TMEM43: variants seen among roughly 807,000 people sequenced by gnomAD.
TMEM43 encodes the protein transmembrane protein 43.
Under a neutral mutation model 49.6 loss-of-function variants are expected in TMEM43, and 45 were observed. The observed-to-expected ratio is 0.91, with a 90% CI of 0.71 to 1.16. TMEM43 has a LOEUF of 1.16. TMEM43 is among the 50% of genes most tolerant of loss of function. TMEM43 has a pLI of 0.00. For synonymous variants in TMEM43, 199 were observed against 207.8 expected (o/e 0.96, Z 0.36); for missense variants, 532 against 516.6 (o/e 1.03, Z -0.29).
intron 2 of TMEM43, among the ~76,000 whole-genome samples, chr3:14,130,087 T>C (rs911039446): frequency 6.6e-6 from 1 of 151,538 alleles, no homozygotes; most frequent in Non-Finnish European, 1.5e-5. Flanking sequence ...CTTTCTTGTT[T>C]GTTTGTTTCT....
Position 14,132,526 on chromosome 3 carries a change from C to T in TMEM43, c.393-20C>T, listed in dbSNP as rs781487997. On this transcript the variant is annotated intron_variant, in intron 4 of 11. Coordinates refer to ENST00000306077, the MANE Select transcript of TMEM43 (RefSeq NM_024334.3). ...GGGGCGACGAGGCTAACCCCCGTGGCTGCTTTGCTTTCCCTGCAGGGAGTA... is the reference window on the plus strand; with the variant it reads ...GGGGCGACGAGGCTAACCCCCGTGGTTGCTTTGCTTTCCCTGCAGGGAGTA... 1.2e-6 allele frequency: 2 copies of T among 1,614,130 alleles called. No homozygotes were observed. Among genetic ancestry groups the T allele is most frequent in the Admixed American group, 3.3e-5 (2 of 60,018 alleles).
At position 14,132,553 on chromosome 3, in the gene TMEM43, A is replaced by G; in HGVS notation, c.400A>G (p.Thr134Ala). Reference protein sequence around the residue: ...WVETEESREYTEDGQVKKETR... With the variant: ...WVETEESREYAEDGQVKKETR... ...GCTTTGCTTTCCCTGCAGGGAGTACACCGAGGATGGGCAGGTGAAGAAGGA... is the reference window on the plus strand; with the variant it reads ...GCTTTGCTTTCCCTGCAGGGAGTACGCCGAGGATGGGCAGGTGAAGAAGGA... The change falls in exon 5 of 12, where the codon ACC (threonine) becomes GCC (alanine). Residue 134 changes from threonine to alanine, a missense_variant. Thr to Ala is a moderately conservative substitution (Grantham distance 58). Coordinates refer to ENST00000306077, the MANE Select transcript of TMEM43 (RefSeq NM_024334.3). 6.2e-7 allele frequency: 1 copy of G among 1,614,068 alleles called. No homozygotes were observed. The highest frequency in any genetic ancestry group is 8.5e-7 in the Non-Finnish European group (1 of 1,179,978).
At chr3:14,140,255 A>G (rs1183105624) in intron 11 of TMEM43, among the ~76,000 whole-genome samples, 1 of 152,158 alleles carries the variant, frequency 6.6e-6, no homozygotes, top group Non-Finnish European at 1.5e-5. Context: ...ATGAGCATTT[A>G]AACGGAATCC....
At chr3:14,133,434 A>C (rs1334001827) in intron 6 of TMEM43, among the ~76,000 whole-genome samples, 1 of 152,138 alleles carries the variant, frequency 6.6e-6, no homozygotes, top group Non-Finnish European at 1.5e-5. Context: ...GGGAGGGGCT[A>C]GTGAGGGGTG....
intron 2 of TMEM43, 118 bp downstream of exon 2, chr3:14,129,679 G>A: frequency 1.8e-6 from 2 of 1,106,916 alleles, no homozygotes; most frequent in Non-Finnish European, 2.7e-6. Flanking sequence ...AAAAGAGAAA[G>A]GAGGATACTG....
At chr3:14,141,463 A>C in intron 11 of TMEM43, 130 bp from the exon 12 acceptor site, 11 of 899,684 alleles carry the variant, frequency 1.2e-5, no homozygotes, top group Non-Finnish European at 2.0e-5. Flanking sequence ...CTTGCCTTCC[A>C]CCCACTGATC....
At chr3:14,131,040 C>A in intron 3 of TMEM43, 84 bp downstream of exon 3, 1 of 1,526,374 alleles carries the variant, frequency 6.6e-7, no homozygotes, top group South Asian at 1.2e-5. Context: ...AAAGCATGGG[C>A]CTTGGAGATG....
chr3:14,141,864 AGCTCCATGCCAGAGCAG>A lies in TMEM43; in HGVS notation c.*71_*87del. 6.7e-7 allele frequency: 1 copy of A among 1,494,766 alleles called. No individual in the cohort carries two copies. Among genetic ancestry groups the A allele is most frequent in the Non-Finnish European group, 9.1e-7 (1 of 1,103,342 alleles). The allele number at this position is 1,494,766 out of a possible 1,614,324, so 92.6% of individuals were successfully genotyped here. ...CCAGGTCCTCTCTCACCTCTGACCC[AGCTCCATGCCAGAGCAG>A]GAGCCCCGGTCAATTTTGGACTCTG... is the stretch of plus-strand genomic sequence containing the variant. On this transcript the variant is annotated 3_prime_UTR_variant, in exon 12 of 12. Transcript: ENST00000306077.
At chr3:14,141,386 C>A (rs935285900) in intron 11 of TMEM43, among the ~76,000 whole-genome samples, 6 of 152,212 alleles carry the variant, frequency 3.9e-5, no homozygotes, top group African/African-American at 1.4e-4. Context: ...GTGGCTTAGG[C>A]AATGTGCCCA....
At position 14,130,839 on chromosome 3, in the gene TMEM43, G is replaced by A. The variant is rs765703685; in HGVS notation, c.180G>A (p.Thr60=). ...IFTNEGRALK[T]ATSLAEGLSL... is the part of the protein sequence containing the mutation. The stretch of plus-strand genomic sequence containing the variant: ...GCTCCCAGGGCCGCGCATTGAAGAC[G>A]GCAACCTCATTGGCTGAGGGGCTCT... Residue 60 remains threonine (T), a synonymous_variant, in exon 3 of 12, where the codon ACG becomes ACA. Coordinates refer to ENST00000306077, the MANE Select transcript of TMEM43 (RefSeq NM_024334.3). 69 of 1,613,730 alleles carry A rather than the reference G, an allele frequency of 4.3e-5. No homozygotes were observed. The highest frequency in any genetic ancestry group is 3.3e-4 in the Middle Eastern group (2 of 6,082).
At position 14,141,613 on chromosome 3, in the gene TMEM43, C is replaced by T. The variant is rs778127887; in HGVS notation, c.1021C>T (p.Arg341Ter). Residue 341 changes from arginine (R) to a stop codon, truncating the protein, a stop_gained, in exon 12 of 12, where the codon CGA becomes TGA. Coordinates refer to ENST00000306077, the MANE Select transcript of TMEM43 (RefSeq NM_024334.3). LOFTEE classifies it high-confidence loss of function. The stretch of plus-strand genomic sequence containing the variant: ...CACAGTGGACTGGTTTCCTGTTTTC[C>T]GAGACCTGGTCAACATTGGCCTGAA... Reference protein sequence around the residue: ...YTLVDWFPVFRDLVNIGLKAF... With the variant: ...YTLVDWFPVF The T allele has an allele frequency of 1.1e-5, 18 of 1,613,988 alleles. No homozygotes were observed. Among genetic ancestry groups the T allele is most frequent in the African/African-American group, 2.7e-5 (2 of 74,892 alleles).
At position 14,143,439 on chromosome 3, in the gene TMEM43, A is replaced by G. The variant is rs1559364363; in HGVS notation, c.*1644A>G. The G allele has an allele frequency of 6.6e-6, 1 of 152,254 alleles. No individual in the cohort carries two copies. The highest frequency in any genetic ancestry group is 6.5e-5 in the Admixed American group (1 of 15,280). 9.4% of individuals were successfully genotyped at this position (152,254 alleles called of 1,614,324 possible). A position where few individuals can be genotyped will look rare whatever the true frequency, so the allele number is the denominator to read the frequency against. ...AACTGCTTATTACATGAGCAATTTCATCAAATCTCCAAACTCTTAAAGGAT... is the reference window on the plus strand; with the variant it reads ...AACTGCTTATTACATGAGCAATTTCGTCAAATCTCCAAACTCTTAAAGGAT... On this transcript the variant is annotated 3_prime_UTR_variant, in exon 12 of 12. Coordinates refer to ENST00000306077, the MANE Select transcript of TMEM43 (RefSeq NM_024334.3).
intron 4 of TMEM43, 58 bp downstream of exon 4, chr3:14,131,732 A>G: frequency 1.6e-6 from 2 of 1,236,054 alleles, no homozygotes; most frequent in Non-Finnish European, 2.4e-6. Flanking sequence ...TGTAGGTGTC[A>G]GGATAACATG....
intron 4 of TMEM43, 25 bp from the exon 5 acceptor site, chr3:14,132,521 C>T (rs200679654): frequency 2.9e-4 from 463 of 1,614,024 alleles, no homozygotes; most frequent in Admixed American, 7.5e-4. Flanking sequence ...GGCTAACCCC[C>T]GTGGCTGCTT....
chr3:14,135,879 C>A lies in TMEM43; in HGVS notation c.853C>A (p.Leu285Ile), dbSNP rs186530498. ...CACCAAGTCTGGGGATACCTTACTG[C>A]TCCTGCACCACGGGGACTTCTCAGC... ...FSTKSGDTLL[L>I]LHHGDFSAEE... The change falls in exon 10 of 12, where the codon CTC becomes ATC. Residue 285 changes from leucine to isoleucine, a missense_variant. Transcript: ENST00000306077. 7.4e-6 allele frequency: 12 copies of A among 1,614,218 alleles called. No homozygotes were observed. The East Asian group carries it at 2.5e-4, about 33-fold the overall frequency.
chr3:14,135,927 T>C lies in TMEM43; in HGVS notation c.882+19T>C, dbSNP rs1168240889. On this transcript the variant is annotated intron_variant, in intron 10 of 11. Transcript: ENST00000306077. Reference sequence around the variant, plus strand: ...AGCAGAGGTGAGTGCTGTGCCCTACTCGTACGGTGGAGGAACAAGCATGTC... The same window carrying C: ...AGCAGAGGTGAGTGCTGTGCCCTACCCGTACGGTGGAGGAACAAGCATGTC... 6.3e-7 allele frequency: 1 copy of C among 1,599,194 alleles called. No individual in the cohort carries two copies. Among genetic ancestry groups the C allele is most frequent in the African/African-American group, 1.3e-5 (1 of 74,754 alleles).
At chr3:14,133,344 A>G (rs1695122293) in intron 6 of TMEM43, among the ~76,000 whole-genome samples, 1 of 152,122 alleles carries the variant, frequency 6.6e-6, no homozygotes. Context: ...CGGGCATAAC[A>G]CTTGGGTGTG....
intron 3 of TMEM43, among the ~76,000 whole-genome samples, chr3:14,131,202 C>T (rs965808812): frequency 5.9e-5 from 9 of 152,240 alleles, no homozygotes; most frequent in Admixed American, 4.6e-4. Context: ...AGGTAACTAA[C>T]GCCTTGGTAC....
At chr3:14,130,737 C>T in intron 2 of TMEM43, 85 bp from the exon 3 acceptor site, 1 of 1,520,760 alleles carries the variant, frequency 6.6e-7, no homozygotes, top group Non-Finnish European at 8.9e-7. Context: ...CCGGAGGCCC[C>T]ATCCTACCCT....
Sources: gnomAD v4.1 joint callset for allele counts (sites outside exome capture counted in the v4.1 genomes callset) on GRCh38, gnomAD v4.1.1 for gene constraint, MANE v1.5 for transcripts, NCBI Gene and HGNC (gene_info 2026-07-23, HGNC 2026-07-21) for gene names.